Variants in KRT20 observed in about 807,000 individuals in gnomAD.
KRT20 encodes keratin 20.
A neutral mutation model predicts 43.0 loss-of-function variants in KRT20; 41 were observed. The observed-to-expected ratio is 0.95, with a 90% CI of 0.74 to 1.24. The LOEUF (loss-of-function observed/expected upper bound fraction) is 1.24. KRT20 is among the 50% of genes most tolerant of loss of function. The pLI, the probability that KRT20 is intolerant of heterozygous loss-of-function variation, is 0.00. For synonymous variants in KRT20, 207 were observed against 200.6 expected, an observed-to-expected ratio of 1.03 and a Z score of -0.27; for missense variants, 533 against 521.2, an observed-to-expected ratio of 1.02 and a Z score of -0.22.
rs892615301 is a variant in KRT20 at position 40,876,146 on chromosome 17, G to A, written c.*215C>T. 6.9e-6 allele frequency: 3 copies of A among 437,918 alleles called. No homozygotes were observed. The highest frequency in any genetic ancestry group is 3.8e-5 in the Admixed American group (1 of 26,608). 27.1% of individuals were successfully genotyped at this position (437,918 alleles called of 1,614,324 possible). A position where few individuals can be genotyped will look rare whatever the true frequency, so the allele number is the denominator to read the frequency against. ...GTTTTAAATATTCTAGTGCTCACTG[G>A]ATTTCATTTTTGCAGGCAATTTGCA... On this transcript the variant is annotated 3_prime_UTR_variant, in exon 8 of 8. Transcript: ENST00000167588.
chr17:40,877,850 A>G (rs1290858602), intron 6 of KRT20, among the ~76,000 whole-genome samples: 1 of 152,168 alleles, frequency 6.6e-6, no homozygotes, highest in Non-Finnish European at 1.5e-5. Flanking sequence ...GCCTTCAATT[A>G]TATATTAATG....
chr17:40,883,000 G>A (rs995335833), intron 1 of KRT20, among the ~76,000 whole-genome samples: 1 of 151,970 alleles, frequency 6.6e-6, no homozygotes, highest in Non-Finnish European at 1.5e-5. Context: ...GTGAGCCACC[G>A]TGCCCGGCCA....
rs776291503 is a variant in KRT20 at position 40,884,787 on chromosome 17, A to C, written c.390+9T>G. On this transcript the variant is annotated intron_variant, in intron 1 of 7. Coordinates refer to ENST00000167588, the MANE Select transcript of KRT20 (RefSeq NM_019010.3). ...ACACAGAGTAGGAAACACAAGCATC[A>C]TCTCTCACCTGACTTCGCAGCTCTT... The C allele has an allele frequency of 6.2e-7, 1 of 1,605,936 alleles. No individual in the cohort carries two copies. Among genetic ancestry groups the C allele is most frequent in the East Asian group, 2.2e-5 (1 of 44,752 alleles).
chr17:40,884,127 C>T (rs530604287), intron 1 of KRT20, among the ~76,000 whole-genome samples: 5 of 152,144 alleles, frequency 3.3e-5, no homozygotes, highest in African/African-American at 1.2e-4. Context: ...AGAGCTCCAC[C>T]CTTTTTTTGA....
At chr17:40,878,106 C>G (rs1907424536) in intron 6 of KRT20, 39 bp downstream of exon 6, 1 of 1,504,094 alleles carries the variant, frequency 6.6e-7, no homozygotes, top group African/African-American at 1.4e-5. Context: ...GAAGTGCATA[C>G]AGATATTGAC....
At chr17:40,878,390 A>G in intron 5 of KRT20, 25 bp from the exon 6 acceptor site, 1 of 1,546,770 alleles carries the variant, frequency 6.5e-7, no homozygotes, top group Non-Finnish European at 8.9e-7. Flanking sequence ...AAAATAGGGC[A>G]CTTCTTATGT....
At position 40,879,894 on chromosome 17, in the gene KRT20, T is replaced by TAA; in HGVS notation, c.835_836dup (p.Leu279PhefsTer2). On this transcript the variant is annotated frameshift_variant, in exon 5 of 8. Coordinates refer to ENST00000167588, the MANE Select transcript of KRT20 (RefSeq NM_019010.3). LOFTEE classifies it high-confidence loss of function. Reference sequence around the variant, plus strand: ...CCGTTAGTTGAACCTCAGTTCCTTTTAATTCTTCAGTATTCACTGTGACCT... The same window carrying TAA: ...CCGTTAGTTGAACCTCAGTTCCTTTTAAAATTCTTCAGTATTCACTGTGACCT... 1 of 1,613,906 alleles carries TAA rather than the reference T, an allele frequency of 6.2e-7. No individual in the cohort carries two copies. The highest frequency in any genetic ancestry group is 1.1e-5 in the South Asian group (1 of 91,062).
chr17:40,885,125 C>A lies in KRT20; in HGVS notation c.61G>T (p.Val21Phe). ...AGGCGCTGCATGCCCACTGTACTGACTACAGGGGCCTGCAAGGAGGAGCTC... is the reference window on the plus strand; with the variant it reads ...AGGCGCTGCATGCCCACTGTACTGAATACAGGGGCCTGCAAGGAGGAGCTC... ...SLSSSLQAPV[V>F]STVGMQRLGT... Residue 21 changes from valine (V) to phenylalanine (F), a missense_variant, in exon 1 of 8, where the codon GTC becomes TTC. Physicochemically the swap from Val to Phe is conservative, Grantham distance 50 (BLOSUM62 -1). Transcript: ENST00000167588. 1 of 1,613,108 alleles carries A rather than the reference C, an allele frequency of 6.2e-7. No homozygotes were observed. Among genetic ancestry groups the A allele is most frequent in the South Asian group, 1.1e-5 (1 of 91,068 alleles).
intron 7 of KRT20, 53 bp from the exon 8 acceptor site, chr17:40,876,511 T>A: frequency 9.6e-7 from 1 of 1,047,082 alleles, no homozygotes; most frequent in South Asian, 1.4e-5. Flanking sequence ...CTCTGCTGAT[T>A]TATAATATTC....
Position 40,878,231 on chromosome 17 carries a change from G to C in KRT20, c.1053C>G (p.Asn351Lys). The C allele has an allele frequency of 6.2e-7, 1 of 1,614,038 alleles. No homozygotes were observed. Among genetic ancestry groups the C allele is most frequent in the Non-Finnish European group, 8.5e-7 (1 of 1,180,002 alleles). Residue 351 changes from asparagine (N) to lysine (K), a missense_variant, in exon 6 of 8, where the codon AAC (asparagine) becomes AAG (lysine). Asn to Lys is a moderately conservative substitution (Grantham distance 94, BLOSUM62 0). Coordinates refer to ENST00000167588, the MANE Select transcript of KRT20 (RefSeq NM_019010.3). ...TTATGTCAAGAAGGATATGGTATTC[G>C]TTGTTCTGGCGTTCCATGTTACTCC... ...QIRSNMERQN[N>K]EYHILLDIKT...
At position 40,879,948 on chromosome 17, in the gene KRT20, C is replaced by G. The variant is rs754526059; in HGVS notation, c.793-10G>C. 17 of 1,604,008 alleles carry G rather than the reference C, an allele frequency of 1.1e-5. No individual in the cohort carries two copies. Among genetic ancestry groups the G allele is most frequent in the Non-Finnish European group, 1.4e-5 (17 of 1,176,442 alleles). On this transcript the variant is annotated splice_polypyrimidine_tract_variant and intron_variant, in intron 4 of 7. Coordinates refer to ENST00000167588, the MANE Select transcript of KRT20 (RefSeq NM_019010.3). ...GCTGCAGAACTGCAGTCTACAGTGCCAAGAGTGAAAAAAAAATAGTTGAGG... is the reference window on the plus strand; with the variant it reads ...GCTGCAGAACTGCAGTCTACAGTGCGAAGAGTGAAAAAAAAATAGTTGAGG...
Position 40,877,411 on chromosome 17 carries a change from T to G in KRT20, c.1146A>C (p.Thr382=). 3 of 1,514,598 alleles carry G rather than the reference T, an allele frequency of 2.0e-6. No homozygotes were observed. The highest frequency in any genetic ancestry group is 2.6e-6 in the Non-Finnish European group (3 of 1,140,440). The allele number at this position is 1,514,598 out of a possible 1,614,324, so 93.8% of individuals were successfully genotyped here. Residue 382 remains threonine (T), a synonymous_variant, in exon 7 of 8, where the codon ACA becomes ACC. Coordinates refer to ENST00000167588, the MANE Select transcript of KRT20 (RefSeq NM_019010.3). The part of the protein sequence containing the change: ...RLLEGEDVKT[T]EYQLSTLEER... ...CTTCCAGGGTGCTTAACTGATATTCTGTAGTTCTGTTTTTTTTTTTAATGA... is the reference window on the plus strand; with the variant it reads ...CTTCCAGGGTGCTTAACTGATATTCGGTAGTTCTGTTTTTTTTTTTAATGA...
At chr17:40,876,654 A>G (rs1484041760) in intron 7 of KRT20, among the ~76,000 whole-genome samples, 196 bp from the exon 8 acceptor site, 1 of 152,184 alleles carries the variant, frequency 6.6e-6, no homozygotes, top group Non-Finnish European at 1.5e-5. Flanking sequence ...CAAATTTACA[A>G]ATGTCCTACT....
rs780720463 is a variant in KRT20, at chr17:40,884,992, AG to A, written c.193del (p.Leu65CysfsTer13). 6.2e-7 allele frequency: 1 copy of A among 1,614,226 alleles called. No homozygotes were observed. The highest frequency in any genetic ancestry group is 8.5e-7 in the Non-Finnish European group (1 of 1,180,036). On this transcript the variant is annotated frameshift_variant, in exon 1 of 8. Coordinates refer to ENST00000167588, the MANE Select transcript of KRT20 (RefSeq NM_019010.3). ...GGCCATTTTCTCATTGCCAACAAACAGGTCCCCGCCGCCTGTGAGATCGCTC... is the reference window on the plus strand; with the variant it reads ...GGCCATTTTCTCATTGCCAACAAACAGTCCCCGCCGCCTGTGAGATCGCTC... ...YGSDLTGGGDLFVGNEKMAMQ... is the reference protein window; with the variant it reads ...YGSDLTGGGDXFVGNEKMAMQ...
At chr17:40,882,808 C>T (rs1417113142) in intron 1 of KRT20, among the ~76,000 whole-genome samples, 154 bp from the exon 2 acceptor site, 2 of 152,038 alleles carry the variant, frequency 1.3e-5, no homozygotes, top group African/African-American at 4.8e-5. Flanking sequence ...CTCCCAGGTT[C>T]AAGCAATTAT....
At chr17:40,882,910 A>G (rs925537445) in intron 1 of KRT20, among the ~76,000 whole-genome samples, 10 of 151,892 alleles carry the variant, frequency 6.6e-5, no homozygotes, top group Admixed American at 3.9e-4. Flanking sequence ...GCATTTTGCC[A>G]TGTTGGCCAG....
intron 4 of KRT20, 75 bp from the exon 5 acceptor site, chr17:40,880,013 A>C: frequency 6.3e-7 from 1 of 1,596,230 alleles, no homozygotes; most frequent in South Asian, 1.1e-5. Flanking sequence ...AGAAAGGAAG[A>C]ATGAACAAAT....
chr17:40,877,959 C>T (rs1907416608), intron 6 of KRT20, among the ~76,000 whole-genome samples, 186 bp downstream of exon 6: 1 of 151,976 alleles, frequency 6.6e-6, no homozygotes, highest in African/African-American at 2.4e-5. Flanking sequence ...CAAGGCTGTA[C>T]TTGATATTTT....
intron 1 of KRT20, among the ~76,000 whole-genome samples, chr17:40,884,331 TTTAAA>T (rs1907716398): frequency 6.6e-6 from 1 of 152,244 alleles, no homozygotes; most frequent in South Asian, 2.1e-4. Flanking sequence ...CACTTTGCTA[TTTAAA>T]TCTGCAGTAC....
Sources: allele counts gnomAD v4.1 joint callset (sites outside exome capture counted in the v4.1 genomes callset), GRCh38; gene constraint gnomAD v4.1.1; transcripts MANE v1.5; gene names NCBI Gene and HGNC (gene_info 2026-07-23, HGNC 2026-07-21).